Variants in PTBP3 observed in about 807,000 individuals in gnomAD.
PTBP3 encodes the protein polypyrimidine tract binding protein 3.
A neutral mutation model predicts 58.7 loss-of-function variants in PTBP3; 20 were observed. The ratio of observed to expected loss-of-function variants is 0.34; its 90% CI spans 0.24 to 0.50. PTBP3 has a LOEUF of 0.50. Among genes scored for constraint, PTBP3 ranks in the 20% least tolerant of loss-of-function variants. The pLI is 0.98. For synonymous variants in PTBP3, 185 were observed against 219.8 expected, an observed-to-expected ratio of 0.84 and a Z score of 1.40; for missense variants, 509 against 637.2, an observed-to-expected ratio of 0.80 and a Z score of 2.17.
chr9:112,371,927 T>C, the PTBP3 span, among the ~76,000 whole-genome samples: 7 of 152,050 alleles, frequency 4.6e-5, no homozygotes, highest in Admixed American at 2.6e-4. Flanking sequence ...TTATTTTTTG[T>C]AGAGATGGAG....
chr9:112,264,021 G>A (rs1156583138), intron 4 of PTBP3, among the ~76,000 whole-genome samples: 1 of 152,008 alleles, frequency 6.6e-6, no homozygotes, highest in Non-Finnish European at 1.5e-5. Flanking sequence ...AATTATGAAG[G>A]AGCAGAATTC....
intron 1 of PTBP3, among the ~76,000 whole-genome samples, chr9:112,315,685 C>T (rs761790705): frequency 6.6e-6 from 1 of 152,144 alleles, no homozygotes; most frequent in African/African-American, 2.4e-5. Flanking sequence ...TAATTTAAAA[C>T]CTTCCAACAA....
rs747780993 is a variant in PTBP3, at chr9:112,297,919, G to A, written c.-51-3C>T. The A allele has an allele frequency of 1.7e-5, 27 of 1,607,430 alleles. No homozygotes were observed. In the East Asian group the frequency reaches 3.1e-4, roughly 19 times the overall value. ...GAAAGAAGCTCATCAGATCCCCGCT[G>A]AAAAGCAAAACCAATGTTTGGTTAA... is the stretch of plus-strand genomic sequence containing the variant. On this transcript the variant is annotated splice_region_variant and splice_polypyrimidine_tract_variant and intron_variant, in intron 1 of 13. Transcript: ENST00000374257.
chr9:112,377,227 G>T, the PTBP3 span, among the ~76,000 whole-genome samples: 1 of 152,322 alleles, frequency 6.6e-6, no homozygotes, highest in East Asian at 1.9e-4. Flanking sequence ...AATTAGCCAG[G>T]TGTGGTGGCA....
At chr9:112,306,083 G>A (rs1376199703) in intron 1 of PTBP3, among the ~76,000 whole-genome samples, 1 of 152,178 alleles carries the variant, frequency 6.6e-6, no homozygotes, top group Non-Finnish European at 1.5e-5. Flanking sequence ...GTCTTGCATG[G>A]ACCTTGTCTC....
At chr9:112,343,024 G>C in the PTBP3 span, among the ~76,000 whole-genome samples, 1 of 152,066 alleles carries the variant, frequency 6.6e-6, no homozygotes, top group Non-Finnish European at 1.5e-5. Context: ...GACACCATTG[G>C]CTGATAAAAA....
chr9:112,223,733 A>G lies in PTBP3; in HGVS notation c.*118T>C, dbSNP rs1020358739. ...CTTGATTTTTAAAATATACTTGAAT[A>G]TCAAACTCAGAGTTATTTTTGTGAA... On this transcript the variant is annotated 3_prime_UTR_variant, in exon 14 of 14. Transcript: ENST00000374257. The G allele has an allele frequency of 6.0e-6, 8 of 1,344,524 alleles. No individual in the cohort carries two copies. In the African/African-American group the frequency reaches 2.5e-4, roughly 43 times the overall value. 83.3% of individuals were successfully genotyped at this position (1,344,524 alleles called of 1,614,324 possible). A position where few individuals can be genotyped will look rare whatever the true frequency, so the allele number is the denominator to read the frequency against.
intron 10 of PTBP3, among the ~76,000 whole-genome samples, chr9:112,229,458 G>A (rs559268812): frequency 2.6e-5 from 4 of 152,014 alleles, no homozygotes; most frequent in East Asian, 1.9e-4. Flanking sequence ...CCAGCTACTC[G>A]GGAGGCTGAG....
At chr9:112,361,471 C>T in the PTBP3 span, among the ~76,000 whole-genome samples, 2 of 152,060 alleles carry the variant, frequency 1.3e-5, no homozygotes, top group Admixed American at 1.3e-4. Flanking sequence ...ATTTTGAAAA[C>T]GTTAATAATA....
intron 1 of PTBP3, chr9:112,332,849 C>CT: frequency 1.9e-6 from 3 of 1,612,438 alleles, no homozygotes; most frequent in Non-Finnish European, 2.5e-6. Flanking sequence ...TCCATGGTCA[C>CT]TAAGTCCAGA....
intron 1 of PTBP3, among the ~76,000 whole-genome samples, chr9:112,298,809 A>G (rs995299666): frequency 3.9e-5 from 6 of 152,190 alleles, no homozygotes; most frequent in Admixed American, 2.0e-4. Context: ...AACCACCAAT[A>G]TATCTATATA....
chr9:112,371,074 T>C, the PTBP3 span, among the ~76,000 whole-genome samples: 2 of 152,158 alleles, frequency 1.3e-5, no homozygotes, highest in African/African-American at 2.4e-5. Flanking sequence ...GTAAAGATAG[T>C]TTTACTCCTT....
intron 9 of PTBP3, 145 bp downstream of exon 9, chr9:112,231,953 AG>A: frequency 1.1e-5 from 4 of 374,426 alleles, no homozygotes; most frequent in South Asian, 7.9e-5. Context: ...AGAAGAGAAG[AG>A]AAGAGAAGAG....
the PTBP3 span, among the ~76,000 whole-genome samples, chr9:112,343,697 G>C: frequency 1.3e-5 from 2 of 151,650 alleles, no homozygotes; most frequent in African/African-American, 4.8e-5. Flanking sequence ...GGCTGAGGCA[G>C]GGAAAATCGC....
At chr9:112,326,790 T>C (rs1830173736) in intron 1 of PTBP3, among the ~76,000 whole-genome samples, 1 of 152,236 alleles carries the variant, frequency 6.6e-6, no homozygotes, top group South Asian at 2.1e-4. Context: ...GTATAAGCTG[T>C]ACACACACAA....
rs1834785198 is a variant in PTBP3 at position 112,220,906 on chromosome 9, A to G, written c.*2945T>C. On this transcript the variant is annotated 3_prime_UTR_variant, in exon 14 of 14. Coordinates refer to ENST00000374257, the MANE Select transcript of PTBP3 (RefSeq NM_001163788.4). ...ACTTAAAAATAGGATACTACGGTAG[A>G]TCAACAGAGAAAAACCATTGCTAGA... 2.1e-6 allele frequency: 2 copies of G among 967,860 alleles called. No individual in the cohort carries two copies. The highest frequency in any genetic ancestry group is 2.5e-6 in the Non-Finnish European group (2 of 814,086). The allele number at this position is 967,860 out of a possible 1,614,324, so 60.0% of individuals were successfully genotyped here.
upstream of PTBP3, among the ~76,000 whole-genome samples, chr9:112,335,679 T>C: frequency 7.1e-6 from 1 of 140,396 alleles, no homozygotes; most frequent in Middle Eastern, 3.6e-3. Context: ...TCCCAGCACT[T>C]TGGGAGGCCG....
At chr9:112,295,417 A>AG (rs1386744782) in intron 2 of PTBP3, among the ~76,000 whole-genome samples, 2 of 43,422 alleles carry the variant, frequency 4.6e-5, no homozygotes, top group African/African-American at 3.3e-4. Context: ...ATAAGATTGG[A>AG]GGAAAAAAAA....
At chr9:112,242,472 T>C (rs1274822265) in intron 7 of PTBP3, 1 of 152,222 alleles carries the variant, frequency 6.6e-6, no homozygotes, top group Non-Finnish European at 1.5e-5. Context: ...TAATAAACTT[T>C]GCATATCTCC....
Sources: allele counts gnomAD v4.1 joint callset (sites outside exome capture counted in the v4.1 genomes callset), GRCh38; gene constraint gnomAD v4.1.1; transcripts MANE v1.5; gene names NCBI Gene and HGNC (gene_info 2026-07-23, HGNC 2026-07-21).